CRACDL: variants seen among roughly 807,000 people sequenced by gnomAD.
The protein encoded by CRACDL is CRACD like, also known as CRACD-like protein.
CRACDL carries 26 observed loss-of-function variants against 70.6 expected under a neutral mutation model. The ratio of observed to expected loss-of-function variants is 0.37; its 90% CI spans 0.27 to 0.51. The LOEUF is 0.51. Among genes scored for constraint, CRACDL ranks in the 20% least tolerant of loss-of-function variants. The pLI, the probability that CRACDL is intolerant of heterozygous loss-of-function variation, is 0.94. For synonymous variants in CRACDL, 618 were observed against 615.2 expected (o/e 1.00, Z -0.07); for missense variants, 1,283 against 1,376.9 (o/e 0.93, Z 1.08).
intron 1 of CRACDL, among the ~76,000 whole-genome samples, chr2:98,900,315 A>G (rs1268439435): frequency 1.2e-5 from 1 of 85,344 alleles, no homozygotes; most frequent in Non-Finnish European, 2.2e-5. Flanking sequence ...GTAGGAGGGG[A>G]GGCAGGGGGA....
At chr2:98,868,537 A>G (rs1707230893) in intron 1 of CRACDL, among the ~76,000 whole-genome samples, 1 of 152,212 alleles carries the variant, frequency 6.6e-6, no homozygotes, top group Non-Finnish European at 1.5e-5. Context: ...GGATAAGGTC[A>G]CCTACAGCAG....
chr2:98,859,595 C>T (rs1019412501), intron 1 of CRACDL, among the ~76,000 whole-genome samples: 1 of 152,206 alleles, frequency 6.6e-6, no homozygotes, highest in Non-Finnish European at 1.5e-5. Flanking sequence ...AAGCACTTGA[C>T]AAAATCCAAC....
At chr2:98,892,940 A>G (rs1175095636) in intron 1 of CRACDL, among the ~76,000 whole-genome samples, 1 of 152,140 alleles carries the variant, frequency 6.6e-6, no homozygotes, top group Non-Finnish European at 1.5e-5. Context: ...CCTCAGCCAC[A>G]GATTTTTTTG....
intron 8 of CRACDL, 54 bp downstream of exon 8, chr2:98,797,296 C>G (rs914629996): frequency 6.4e-7 from 1 of 1,563,150 alleles, no homozygotes. Flanking sequence ...CGCCCCAGTC[C>G]CAGCTGGCTG....
At chr2:98,920,777 A>G (rs980410970) in intron 1 of CRACDL, among the ~76,000 whole-genome samples, 1 of 152,180 alleles carries the variant, frequency 6.6e-6, no homozygotes, top group Non-Finnish European at 1.5e-5. Flanking sequence ...CTACTTTGTG[A>G]TAAGAATCAC....
chr2:98,890,592 T>A (rs1435394474), intron 1 of CRACDL, among the ~76,000 whole-genome samples: 1 of 152,232 alleles, frequency 6.6e-6, no homozygotes, highest in Non-Finnish European at 1.5e-5. Flanking sequence ...AAATTATGTA[T>A]CCCTTATCCA....
intron 1 of CRACDL, among the ~76,000 whole-genome samples, chr2:98,905,742 C>G (rs13024838): frequency 0.36 from 54,299 of 151,692 alleles, 10,021 homozygotes; most frequent in African/African-American, 0.43. Context: ...CTCATCCTCC[C>G]GAGTAGCTGG....
chr2:98,913,320 G>A (rs1378969312), intron 1 of CRACDL, among the ~76,000 whole-genome samples: 1 of 152,152 alleles, frequency 6.6e-6, no homozygotes, highest in Non-Finnish European at 1.5e-5. Flanking sequence ...CATGAGAACG[G>A]TCACCTCTGT....
rs1705617274 is a variant in CRACDL, at chr2:98,833,130, G to A, written c.240-133C>T. On this transcript the variant is annotated intron_variant, in intron 3 of 9. Coordinates refer to ENST00000397899, the MANE Select transcript of CRACDL (RefSeq NM_207362.3). ...CTCCCTCTGCTGCATTTACATTTCA[G>A]TGGTCCCTGACTTCAGTTCATCCAC... The A allele has an allele frequency of 4.8e-6, 4 of 824,770 alleles. No individual in the cohort carries two copies. The Admixed American group carries it at 1.0e-4, about 21-fold the overall frequency. The allele number at this position is 824,770 out of a possible 1,614,324, so 51.1% of individuals were successfully genotyped here.
chr2:98,821,267 G>C (rs1390783069), intron 7 of CRACDL, among the ~76,000 whole-genome samples: 2 of 152,156 alleles, frequency 1.3e-5, no homozygotes, highest in African/African-American at 4.8e-5. Flanking sequence ...GTTCACTGCA[G>C]CCTTGAACTC....
intron 1 of CRACDL, among the ~76,000 whole-genome samples, chr2:98,910,861 G>A (rs1708531149): frequency 6.6e-6 from 1 of 152,232 alleles, no homozygotes; most frequent in Admixed American, 6.5e-5. Flanking sequence ...GGTGACAGGA[G>A]GATTAAATGA....
chr2:98,806,618 C>T (rs984288947), intron 7 of CRACDL, among the ~76,000 whole-genome samples: 3 of 152,248 alleles, frequency 2.0e-5, no homozygotes, highest in Non-Finnish European at 4.4e-5. Context: ...CGGCAGGAGG[C>T]AATGACCACT....
intron 1 of CRACDL, among the ~76,000 whole-genome samples, chr2:98,902,048 T>C (rs1210354266): frequency 6.6e-6 from 1 of 152,018 alleles, no homozygotes; most frequent in Non-Finnish European, 1.5e-5. Flanking sequence ...AAAAGGCCAT[T>C]CTCCACTGTA....
At position 98,823,748 on chromosome 2, in the gene CRACDL, T is replaced by A. The variant is rs1296862085; in HGVS notation, c.736-211A>T. 6.6e-6 allele frequency among the ~76,000 whole-genome samples: 1 copy of A among 152,212 alleles called. No individual in the cohort carries two copies. The highest frequency in any genetic ancestry group is 1.5e-5 in the Non-Finnish European group (1 of 68,040). On this transcript the variant is annotated intron_variant, in intron 6 of 9. Coordinates refer to ENST00000397899, the MANE Select transcript of CRACDL (RefSeq NM_207362.3). This position sits in a 1 kb window ranked among gnomAD's most constrained non-coding sequence, Gnocchi z 4.0. ...AAGTTTATCAGGACAATGGCAGATA[T>A]GCCTCCAAAGTAAATGTCTACAGCT...
chr2:98,922,584 GATGCCCAGA>G (rs1708830136), intron 1 of CRACDL, among the ~76,000 whole-genome samples: 1 of 152,218 alleles, frequency 6.6e-6, no homozygotes, highest in South Asian at 2.1e-4. Context: ...AGCAGCGCAG[GATGCCCAGA>G]ATACTCCCCA....
chr2:98,828,974 T>G (rs1319643064), intron 5 of CRACDL, among the ~76,000 whole-genome samples: 1 of 152,208 alleles, frequency 6.6e-6, no homozygotes, highest in Non-Finnish European at 1.5e-5. Context: ...AAAATAAGCA[T>G]ACAGAATCTG....
At chr2:98,795,078 T>TATATATATATATATA (rs1461039601) in intron 9 of CRACDL, among the ~76,000 whole-genome samples, 1 of 18,288 alleles carries the variant, frequency 5.5e-5, no homozygotes, top group Non-Finnish European at 1.7e-4. Context: ...TATATATATA[T>TATATATATATATATA]TTTTTTTTTT....
chr2:98,827,285 T>C, intron 5 of CRACDL, 116 bp from the exon 6 acceptor site: 1 of 698,912 alleles, frequency 1.4e-6, no homozygotes, highest in South Asian at 1.8e-5. Context: ...GTCTCTGGCT[T>C]TACGTGTGTG....
At chr2:98,898,834 G>C (rs375752169) in intron 1 of CRACDL, among the ~76,000 whole-genome samples, 1 of 152,212 alleles carries the variant, frequency 6.6e-6, no homozygotes, top group East Asian at 1.9e-4. Flanking sequence ...AGAATAGCAA[G>C]AGCCTATTTC....
Sources: gnomAD v4.1 joint callset for allele counts (sites outside exome capture counted in the v4.1 genomes callset) on GRCh38, gnomAD v4.1.1 for gene constraint, Gnocchi (gnomAD v3.1) non-coding constraint, MANE v1.5 for transcripts, NCBI Gene and HGNC (gene_info 2026-07-23, HGNC 2026-07-21) for gene names.